The following NDUFS4 variants were observed in gnomAD, a reference collection of about 807,000 sequenced individuals.
The protein encoded by NDUFS4 is NADH:ubiquinone oxidoreductase subunit S4, also known as NADH dehydrogenase [ubiquinone] iron-sulfur protein 4, mitochondrial.
A neutral mutation model predicts 24.3 loss-of-function variants in NDUFS4; 28 were observed. That is an observed-to-expected ratio of 1.15 (90% CI 0.85 to 1.58). The LOEUF is 1.58. Ranked by LOEUF, NDUFS4 falls within the 40% of genes most tolerant of loss-of-function variation. NDUFS4 has a pLI of 0.00. For synonymous variants in NDUFS4, 93 were observed against 69.7 expected (o/e 1.34, Z -1.67); for missense variants, 223 against 207.9 (o/e 1.07, Z -0.45).
At chr5:53,660,003 G>T (rs1250822750) in intron 4 of NDUFS4, among the ~76,000 whole-genome samples, 2 of 149,206 alleles carry the variant, frequency 1.3e-5, no homozygotes, top group East Asian at 3.9e-4. Context: ...GTTATTAATA[G>T]ACTTTTTTTT....
At chr5:53,571,188 C>G (rs1749199273) in intron 1 of NDUFS4, among the ~76,000 whole-genome samples, 1 of 152,130 alleles carries the variant, frequency 6.6e-6, no homozygotes, top group Non-Finnish European at 1.5e-5. Context: ...AAACTCTGTA[C>G]CCATTAGCAG....
At chr5:53,628,807 T>C (rs1447979534) in intron 2 of NDUFS4, among the ~76,000 whole-genome samples, 3 of 152,208 alleles carry the variant, frequency 2.0e-5, no homozygotes, top group Non-Finnish European at 4.4e-5. Context: ...ATTTTGTTGA[T>C]CTTTTTAAAA....
chr5:53,574,413 C>T (rs747019997), intron 1 of NDUFS4, among the ~76,000 whole-genome samples: 131 of 152,286 alleles, frequency 8.6e-4, no homozygotes, highest in Non-Finnish European at 1.0e-3. Context: ...CAATAAACCC[C>T]ACTTAGTTGT....
At chr5:53,604,840 C>CATTTTAACTA in intron 2 of NDUFS4, 1 of 456,310 alleles carries the variant, frequency 2.2e-6, no homozygotes, top group East Asian at 7.0e-5. Flanking sequence ...TACCTGGATG[C>CATTTTAACTA]ATTTTAACTA....
intron 4 of NDUFS4, among the ~76,000 whole-genome samples, chr5:53,664,391 G>A (rs1297662618): frequency 2.6e-5 from 4 of 152,054 alleles, no homozygotes; most frequent in Non-Finnish European, 5.9e-5. Flanking sequence ...TTGCTAGATT[G>A]GGGAAGTTCT....
At chr5:53,620,334 G>A (rs1750994781) in intron 2 of NDUFS4, among the ~76,000 whole-genome samples, 1 of 152,056 alleles carries the variant, frequency 6.6e-6, no homozygotes, top group Non-Finnish European at 1.5e-5. Context: ...ATATATCTAA[G>A]AATTAGAGTA....
chr5:53,582,806 A>G (rs538211247), intron 1 of NDUFS4, among the ~76,000 whole-genome samples: 2 of 152,338 alleles, frequency 1.3e-5, no homozygotes, highest in Non-Finnish European at 2.9e-5. Flanking sequence ...TAGATACTTC[A>G]TATAATAGAT....
At chr5:53,640,190 G>A (rs1338455153) in intron 2 of NDUFS4, among the ~76,000 whole-genome samples, 1 of 152,094 alleles carries the variant, frequency 6.6e-6, no homozygotes, top group African/African-American at 2.4e-5. Context: ...GAAGTGGAAA[G>A]TGAAGGATTC....
intron 2 of NDUFS4, among the ~76,000 whole-genome samples, chr5:53,618,833 G>T (rs1462986600): frequency 6.6e-6 from 1 of 151,914 alleles, no homozygotes; most frequent in Non-Finnish European, 1.5e-5. Flanking sequence ...CTGGTTTTAG[G>T]CTGGGCACAG....
chr5:53,585,745 A>G (rs371123), intron 1 of NDUFS4, among the ~76,000 whole-genome samples: 33,897 of 150,466 alleles, frequency 0.23, 4,578 homozygotes, highest in East Asian at 0.46. Flanking sequence ...TCCGTCTCAA[A>G]AAAAAAAAAA....
chr5:53,612,367 A>G (rs1385065419), intron 2 of NDUFS4, among the ~76,000 whole-genome samples: 2 of 152,044 alleles, frequency 1.3e-5, no homozygotes, highest in Non-Finnish European at 2.9e-5. Flanking sequence ...TGCATCCTCA[A>G]TTTAAATATA....
chr5:53,669,608 T>C (rs1226547445), intron 4 of NDUFS4, among the ~76,000 whole-genome samples: 1 of 152,194 alleles, frequency 6.6e-6, no homozygotes. Flanking sequence ...TTTTCTCTTT[T>C]ACCTTTTTTG....
chr5:53,665,928 G>C (rs1018605956), intron 4 of NDUFS4, among the ~76,000 whole-genome samples: 1 of 152,202 alleles, frequency 6.6e-6, no homozygotes, highest in Non-Finnish European at 1.5e-5. Flanking sequence ...TACGCTGGGA[G>C]CTGTAGACTG....
At position 53,605,085 on chromosome 5, in the gene NDUFS4, G is replaced by A. The variant is rs1750456142; in HGVS notation, c.177+1555G>A. Among the ~76,000 whole-genome samples, 3 of 152,168 alleles carry A rather than the reference G, an allele frequency of 2.0e-5. No individual in the cohort carries two copies. In the South Asian group the frequency reaches 6.2e-4, roughly 31 times the overall value. ...AAATACAAAAAATTAGCTGGGCGTG[G>A]TGGCGGGTGCCTGTAATCTCAGCTA... On this transcript the variant is annotated intron_variant, in intron 2 of 4. Transcript: ENST00000296684.
At chr5:53,650,521 A>G (rs1299686855) in intron 3 of NDUFS4, among the ~76,000 whole-genome samples, 3 of 152,236 alleles carry the variant, frequency 2.0e-5, no homozygotes, top group Non-Finnish European at 4.4e-5. Context: ...TCTAATGATT[A>G]TAAACTAGGA....
At chr5:53,581,317 G>A (rs1004825438) in intron 1 of NDUFS4, among the ~76,000 whole-genome samples, 3 of 151,950 alleles carry the variant, frequency 2.0e-5, no homozygotes, top group Admixed American at 6.6e-5. Flanking sequence ...CTATCATCCT[G>A]CCTCCTAACT....
At chr5:53,620,720 A>T (rs977989381) in intron 2 of NDUFS4, among the ~76,000 whole-genome samples, 1 of 152,206 alleles carries the variant, frequency 6.6e-6, no homozygotes, top group Non-Finnish European at 1.5e-5. Flanking sequence ...CAAGGTAAAC[A>T]TCATCCTCTG....
At chr5:53,635,310 G>A (rs1477496966) in intron 2 of NDUFS4, among the ~76,000 whole-genome samples, 2 of 151,020 alleles carry the variant, frequency 1.3e-5, no homozygotes, top group East Asian at 1.9e-4. Flanking sequence ...GCTGGAGTTC[G>A]AGACCAGCCT....
intron 2 of NDUFS4, among the ~76,000 whole-genome samples, chr5:53,635,352 A>AG (rs891113941): frequency 3.3e-5 from 5 of 151,630 alleles, no homozygotes; most frequent in African/African-American, 4.8e-5. Context: ...TCTCTACAAA[A>AG]AAAAAAAAAT....
Sources: gnomAD v4.1 joint callset for allele counts (sites outside exome capture counted in the v4.1 genomes callset) on GRCh38, gnomAD v4.1.1 for gene constraint, MANE v1.5 for transcripts, NCBI Gene and HGNC (gene_info 2026-07-23, HGNC 2026-07-21) for gene names.